The following TF variants were observed in gnomAD, a reference collection of about 807,000 sequenced individuals.
TF encodes the protein serotransferrin.
Under a neutral mutation model 82.4 loss-of-function variants are expected in TF, and 55 were observed. The observed-to-expected ratio is 0.67, with a 90% CI of 0.54 to 0.84. The LOEUF is 0.84. Among genes scored for constraint, TF ranks in the 40% least tolerant of loss-of-function variants. The probability of loss-of-function intolerance (pLI) is 0.00; values close to 1 mark genes in which losing one functional copy is unlikely to be tolerated. For missense variants in TF, 737 were observed against 868.4 expected (o/e 0.85, Z 1.90); for synonymous variants, 332 against 332.6 (o/e 1.00, Z 0.02).
chr3:133,713,884 A>G, the TF span, among the ~76,000 whole-genome samples: 2 of 152,162 alleles, frequency 1.3e-5, no homozygotes, highest in Non-Finnish European at 2.9e-5. Flanking sequence ...TCTCAAAGCC[A>G]CACATAATAC....
chr3:133,761,485 C>T (rs1482551331), intron 9 of TF: 1 of 151,942 alleles, frequency 6.6e-6, no homozygotes, highest in Admixed American at 6.5e-5. Flanking sequence ...CATAGTGAGA[C>T]ACCATCTCAA....
At chr3:133,755,861 T>G (rs1040874167) in intron 5 of TF, 8 of 442,328 alleles carry the variant, frequency 1.8e-5, no homozygotes, top group Non-Finnish European at 3.3e-5. Flanking sequence ...CAGTGTTACC[T>G]GCTCAGCACA....
At chr3:133,666,676 A>G in the TF span, among the ~76,000 whole-genome samples, 5 of 152,142 alleles carry the variant, frequency 3.3e-5, no homozygotes, top group Admixed American at 2.0e-4. Flanking sequence ...GGCTGCATTT[A>G]ATTAGATAAG....
At chr3:133,761,235 G>A (rs1017405745) in intron 9 of TF, 3 of 213,498 alleles carry the variant, frequency 1.4e-5, no homozygotes, top group Non-Finnish European at 3.0e-5. Flanking sequence ...CCAGACTGGA[G>A]GAGGAAGATG....
chr3:133,663,351 A>AT, the TF span, among the ~76,000 whole-genome samples: 19,283 of 127,958 alleles, frequency 0.15, 1,967 homozygotes, highest in African/African-American at 0.27. Context: ...AATATCATTA[A>AT]TTTTTTTTTT....
the TF span, among the ~76,000 whole-genome samples, chr3:133,718,966 AGGTATAGAG>A: frequency 6.6e-6 from 1 of 152,198 alleles, no homozygotes; most frequent in Admixed American, 6.5e-5. Flanking sequence ...GATCCTAGCT[AGGTATAGAG>A]GGACCTGAAG....
intron 2 of TF, among the ~76,000 whole-genome samples, chr3:133,753,258 C>G (rs527889758): frequency 2.0e-5 from 3 of 152,144 alleles, no homozygotes; most frequent in Non-Finnish European, 4.4e-5. Context: ...TCTGGGGTGG[C>G]GAGGGCGGCT....
chr3:133,669,368 A>G, the TF span, among the ~76,000 whole-genome samples: 4 of 152,162 alleles, frequency 2.6e-5, no homozygotes. Flanking sequence ...GCTTGTCTAA[A>G]AGTCTGTTTT....
At chr3:133,776,032 T>C (rs1371460449) in intron 15 of TF, among the ~76,000 whole-genome samples, 1 of 152,238 alleles carries the variant, frequency 6.6e-6, no homozygotes, top group Non-Finnish European at 1.5e-5. Context: ...GCTCTGCTTC[T>C]AGCTCCTGGT....
At chr3:133,705,406 A>C in the TF span, among the ~76,000 whole-genome samples, 1 of 152,140 alleles carries the variant, frequency 6.6e-6, no homozygotes, top group Non-Finnish European at 1.5e-5. Context: ...ACAGTCTAAG[A>C]CTCTGAAGGG....
the TF span, among the ~76,000 whole-genome samples, chr3:133,686,031 A>C: frequency 6.6e-6 from 1 of 152,240 alleles, no homozygotes; most frequent in Non-Finnish European, 1.5e-5. Context: ...CAGAGTCCTC[A>C]GAAATAATAC....
At chr3:133,743,392 T>A (rs1187988222), upstream of TF, among the ~76,000 whole-genome samples, 1 of 152,020 alleles carries the variant, frequency 6.6e-6, no homozygotes. Context: ...GGCTGTGTGC[T>A]TTTGGAGAAA....
intron 14 of TF, among the ~76,000 whole-genome samples, chr3:133,771,678 A>C (rs1375039024): frequency 7.3e-6 from 1 of 137,556 alleles, no homozygotes; most frequent in Admixed American, 7.9e-5. Flanking sequence ...CGGAGCTTGC[A>C]GTGAGCCGAG....
upstream of TF, among the ~76,000 whole-genome samples, chr3:133,745,403 C>T (rs746601414): frequency 3.3e-5 from 5 of 152,312 alleles, no homozygotes; most frequent in African/African-American, 4.8e-5. Flanking sequence ...ATAAGCAAAA[C>T]GACATTTGAA....
At chr3:133,727,832 C>G in the TF span, among the ~76,000 whole-genome samples, 1 of 104,646 alleles carries the variant, frequency 9.6e-6, no homozygotes, top group South Asian at 4.5e-4. Context: ...CCTTCAGGAA[C>G]TCTTTTAGGG....
At chr3:133,729,126 G>A in the TF span, among the ~76,000 whole-genome samples, 3 of 152,316 alleles carry the variant, frequency 2.0e-5, no homozygotes, top group East Asian at 5.8e-4. Context: ...CACTTGAGGA[G>A]GCAGTCTGTC....
the TF span, among the ~76,000 whole-genome samples, chr3:133,723,585 T>C: frequency 9.4e-5 from 14 of 149,122 alleles, no homozygotes; most frequent in Non-Finnish European, 1.6e-4. Flanking sequence ...TTAATTGTAT[T>C]ATTTTATTTT....
At chr3:133,711,696 C>T in the TF span, among the ~76,000 whole-genome samples, 58 of 152,354 alleles carry the variant, frequency 3.8e-4, no homozygotes, top group African/African-American at 1.4e-3. Flanking sequence ...TCCATCCACC[C>T]TGTTGCCAGG....
intron 7 of TF, among the ~76,000 whole-genome samples, 156 bp downstream of exon 7, chr3:133,757,165 C>T (rs968564051): frequency 3.3e-5 from 5 of 152,184 alleles, no homozygotes; most frequent in African/African-American, 9.7e-5. Context: ...GCTGGGACTC[C>T]CCACAGAGCA....
Sources: allele counts gnomAD v4.1 joint callset (sites outside exome capture counted in the v4.1 genomes callset), GRCh38; gene constraint gnomAD v4.1.1; transcripts MANE v1.5; gene names NCBI Gene and HGNC (gene_info 2026-07-23, HGNC 2026-07-21).